FBXO10: variants seen among roughly 807,000 people sequenced by gnomAD.
FBXO10 encodes F-box protein 10.
Under a neutral mutation model 80.7 loss-of-function variants are expected in FBXO10, and 39 were observed. The ratio of observed to expected loss-of-function variants is 0.48; its 90% CI spans 0.37 to 0.63. The LOEUF (loss-of-function observed/expected upper bound fraction) is 0.63, where lower values mean the gene tolerates loss of function less well. Ranked by LOEUF, FBXO10 falls within the 30% of genes least tolerant of loss-of-function variation. FBXO10 has a pLI of 0.00. For missense variants in FBXO10, 1,025 were observed against 1,269.0 expected (o/e 0.81, Z 2.92); for synonymous variants, 449 against 489.6 (o/e 0.92, Z 1.09).
rs1208112233 is a variant in FBXO10 at position 37,518,253 on chromosome 9, C to T, written c.2386G>A (p.Gly796Ser). The T allele has an allele frequency of 6.2e-7, 1 of 1,614,052 alleles. No individual in the cohort carries two copies. Among genetic ancestry groups the T allele is most frequent in the Non-Finnish European group, 8.5e-7 (1 of 1,179,898 alleles). Residue 796 changes from glycine to serine, a missense_variant, in exon 9 of 11, where the codon GGC (glycine) becomes AGC (serine). This residue lies in a region of FBXO10 where 478 missense variants were observed against 667.8 expected (regional missense o/e 0.72). Transcript: ENST00000432825. ...CCTCTGTTGTCATAGATACCATTGC[C>T]CCGGAGCTCCACTTTGCACTGGGCC... is the stretch of plus-strand genomic sequence containing the variant. ...VEAQCKVELRGNGIYDNRGHG... is the reference protein window; with the variant it reads ...VEAQCKVELRSNGIYDNRGHG...
chr9:37,570,962 C>G (rs922828321), intron 1 of FBXO10, among the ~76,000 whole-genome samples: 2 of 150,072 alleles, frequency 1.3e-5, no homozygotes, highest in African/African-American at 4.9e-5. Context: ...CCACTGCAGT[C>G]CAGCCTGGCG....
chr9:37,550,647 T>G (rs1315028212), intron 1 of FBXO10, among the ~76,000 whole-genome samples: 10 of 151,740 alleles, frequency 6.6e-5, no homozygotes, highest in Non-Finnish European at 2.9e-5. Flanking sequence ...CCTGGCTAAT[T>G]TTTGTAGTTT....
chr9:37,537,692 G>A lies in FBXO10; in HGVS notation c.837C>T (p.Ser279=). ...AYKYLLGLIK[S]SPTFLPTEDS... is the part of the protein sequence containing the mutation. ...CCTCTGTGGGGAGAAAAGTGGGTGA[G>A]GACTTGATAAGCCCTAGTAGATACT... Residue 279 remains serine (S), a synonymous_variant, in exon 3 of 11, where the codon TCC becomes TCT. Coordinates refer to ENST00000432825, the MANE Select transcript of FBXO10 (RefSeq NM_012166.3). 1 of 1,614,024 alleles carries A rather than the reference G, an allele frequency of 6.2e-7. No homozygotes were observed. The highest frequency in any genetic ancestry group is 8.5e-7 in the Non-Finnish European group (1 of 1,179,896).
At chr9:37,523,044 T>TG in intron 6 of FBXO10, 67 bp from the exon 7 acceptor site, 1 of 1,542,462 alleles carries the variant, frequency 6.5e-7, no homozygotes, top group East Asian at 2.4e-5. Context: ...AAATAGGACT[T>TG]GGACAGTTTT....
chr9:37,569,396 A>C (rs1416630152), intron 1 of FBXO10, among the ~76,000 whole-genome samples: 2 of 18,022 alleles, frequency 1.1e-4, no homozygotes, highest in African/African-American at 2.0e-4. Flanking sequence ...GATATAAAGC[A>C]AAAAAAAAAA....
intron 1 of FBXO10, among the ~76,000 whole-genome samples, chr9:37,546,988 C>G (rs985176224): frequency 6.6e-6 from 1 of 152,148 alleles, no homozygotes; most frequent in Non-Finnish European, 1.5e-5. Context: ...GCCTTAGAAT[C>G]ACTTTAGAAA....
At chr9:37,529,686 G>A (rs1425551186) in intron 4 of FBXO10, among the ~76,000 whole-genome samples, 1 of 152,174 alleles carries the variant, frequency 6.6e-6, no homozygotes, top group South Asian at 2.1e-4. Flanking sequence ...TCCTAAAGGG[G>A]CCACATCCAG....
intron 8 of FBXO10, among the ~76,000 whole-genome samples, chr9:37,518,716 T>TC (rs1429626362): frequency 1.3e-5 from 2 of 151,908 alleles, no homozygotes; most frequent in Non-Finnish European, 2.9e-5. Context: ...TGGCCTGAGC[T>TC]CCCACCGTGT....
At chr9:37,542,902 G>C (rs1252059196) in intron 1 of FBXO10, among the ~76,000 whole-genome samples, 1 of 152,148 alleles carries the variant, frequency 6.6e-6, no homozygotes, top group African/African-American at 2.4e-5. Flanking sequence ...ACTTCTAAGA[G>C]GGAACCCACC....
chr9:37,549,654 T>G (rs1822142127), intron 1 of FBXO10, among the ~76,000 whole-genome samples: 2 of 152,204 alleles, frequency 1.3e-5, no homozygotes, highest in African/African-American at 4.8e-5. Flanking sequence ...TCTTTACAAT[T>G]TATTTGTTGA....
intron 1 of FBXO10, among the ~76,000 whole-genome samples, chr9:37,568,704 G>A (rs985075242): frequency 6.6e-6 from 1 of 151,870 alleles, no homozygotes; most frequent in Admixed American, 6.6e-5. Context: ...GTGGTCTAAG[G>A]TCGGAGTTCA....
chr9:37,552,646 T>G (rs1326428606), intron 1 of FBXO10, among the ~76,000 whole-genome samples: 2 of 146,480 alleles, frequency 1.4e-5, no homozygotes, highest in Non-Finnish European at 3.0e-5. Context: ...GAGCCGAGAT[T>G]GCGCCACTGC....
chr9:37,537,845 G>A lies in FBXO10; in HGVS notation c.684C>T (p.Phe228=). Residue 228 remains phenylalanine (F), a synonymous_variant, in exon 3 of 11, where the codon TTC becomes TTT. Transcript: ENST00000432825. ...PGTCQVKFCT[F]KNTHIFLHNV... ...TGTGCAGGAAGATATGGGTGTTTTT[G>A]AAGGTACAGAACTTCACTTGGCAAG... is the stretch of plus-strand genomic sequence containing the variant. 6.2e-7 allele frequency: 1 copy of A among 1,613,980 alleles called. No homozygotes were observed. Among genetic ancestry groups the A allele is most frequent in the East Asian group, 2.2e-5 (1 of 44,880 alleles).
At chr9:37,551,464 T>C (rs1047537201) in intron 1 of FBXO10, among the ~76,000 whole-genome samples, 3 of 152,242 alleles carry the variant, frequency 2.0e-5, no homozygotes, top group African/African-American at 4.8e-5. Flanking sequence ...ACAGCTCTTG[T>C]ACTCTGCAAG....
At chr9:37,545,011 A>AAGAG (rs1554647296) in intron 1 of FBXO10, among the ~76,000 whole-genome samples, 5 of 139,582 alleles carry the variant, frequency 3.6e-5, no homozygotes, top group African/African-American at 1.2e-4. Flanking sequence ...AAAAAAAAAA[A>AAGAG]AGAGAGAGAA....
At position 37,529,202 on chromosome 9, in the gene FBXO10, C is replaced by A. The variant is rs774204901; in HGVS notation, c.1628G>T (p.Gly543Val). ...AAAGATTTGATTGTTCCGGATGATGCCTTTCCCATTGCCAAGGACGACAAT... is the reference window on the plus strand; with the variant it reads ...AAAGATTTGATTGTTCCGGATGATGACTTTCCCATTGCCAAGGACGACAAT... The part of the protein sequence containing the change: ...SGIVVLGNGK[G>V]IIRNNQIFSN... Residue 543 changes from glycine to valine, a missense_variant, in exon 5 of 11, where the codon GGC (glycine) becomes GTC (valine). Physicochemically the swap from Gly to Val is moderately radical, Grantham distance 109 (BLOSUM62 -3). Around this residue, in one of 3 missense-constraint regions of FBXO10, gnomAD observed 478 missense variants for 667.8 expected, o/e 0.72. Transcript: ENST00000432825. 6.2e-7 allele frequency: 1 copy of A among 1,613,694 alleles called. No individual in the cohort carries two copies.
intron 3 of FBXO10, 91 bp from the exon 4 acceptor site, chr9:37,532,149 C>G (rs1322043377): frequency 7.2e-7 from 1 of 1,384,608 alleles, no homozygotes; most frequent in Non-Finnish European, 9.9e-7. Flanking sequence ...TCCGCACCAC[C>G]TGATCCATGC....
intron 3 of FBXO10, 92 bp downstream of exon 3, chr9:37,537,018 A>G: frequency 1.0e-6 from 1 of 999,932 alleles, no homozygotes; most frequent in Non-Finnish European, 1.5e-6. Context: ...AAGTTTAAAG[A>G]AAATTATTTT....
chr9:37,532,447 A>G (rs1167368627), intron 3 of FBXO10, among the ~76,000 whole-genome samples: 3 of 151,624 alleles, frequency 2.0e-5, no homozygotes, highest in Non-Finnish European at 1.5e-5. Context: ...GCTACAGGCT[A>G]ATTTTTGAAT....
Sources: gnomAD v4.1 joint callset for allele counts (sites outside exome capture counted in the v4.1 genomes callset) on GRCh38, gnomAD v4.1.1 for gene constraint, gnomAD v4.1.1 regional missense constraint, MANE v1.5 for transcripts, NCBI Gene and HGNC (gene_info 2026-07-23, HGNC 2026-07-21) for gene names.